Variants in IGSF10 observed in about 807,000 individuals in gnomAD.
IGSF10 encodes immunoglobulin superfamily member 10, also known as calvaria mechanical force protein 608.
In IGSF10, 126 loss-of-function variants were observed where a neutral mutation model predicts 128.2. That is an observed-to-expected ratio of 0.98 (90% CI 0.85 to 1.14). The LOEUF is 1.14. IGSF10 is among the 50% of genes most tolerant of loss of function. IGSF10 has a pLI of 0.00. For missense variants in IGSF10, 3,295 were observed against 3,149.8 expected (o/e 1.05, Z -1.10); for synonymous variants, 1,185 against 1,146.2 (o/e 1.03, Z -0.68).
Position 151,437,818 on chromosome 3 carries a change from T to G in IGSF10, c.6743A>C (p.Lys2248Thr). The G allele has an allele frequency of 6.2e-7, 1 of 1,613,958 alleles. No individual in the cohort carries two copies. The highest frequency in any genetic ancestry group is 8.5e-7 in the Non-Finnish European group (1 of 1,179,992). ...NGLYTNRTVI[K>T]ATAVRHSKKH... ...TTTGGAATGTCTCACAGCTGTGGCT[T>G]TAATAACAGTTCTGTTTGTATACAG... is the stretch of plus-strand genomic sequence containing the variant. The change falls in exon 8 of 8, where the codon AAA becomes ACA. Residue 2248 changes from lysine (K) to threonine (T), a missense_variant. Coordinates refer to ENST00000282466, the MANE Select transcript of IGSF10 (RefSeq NM_178822.5).
the IGSF10 span, among the ~76,000 whole-genome samples, chr3:151,534,669 G>T: frequency 1.3e-5 from 2 of 151,956 alleles, no homozygotes; most frequent in African/African-American, 4.8e-5. Flanking sequence ...TGGGGAGCTG[G>T]GGGAGGGGTA....
the IGSF10 span, among the ~76,000 whole-genome samples, chr3:151,549,470 C>T: frequency 6.6e-6 from 1 of 152,130 alleles, no homozygotes; most frequent in Non-Finnish European, 1.5e-5. Flanking sequence ...TTCTTTATAT[C>T]CAGAGCTGTC....
chr3:151,554,448 T>C, the IGSF10 span, among the ~76,000 whole-genome samples: 1 of 151,448 alleles, frequency 6.6e-6, no homozygotes, highest in African/African-American at 2.5e-5. Context: ...GCAAAATATT[T>C]CAATTTTTGC....
chr3:151,485,685 C>T, the IGSF10 span, among the ~76,000 whole-genome samples: 2 of 152,136 alleles, frequency 1.3e-5, no homozygotes, highest in African/African-American at 2.4e-5. Context: ...CCCAGAATTT[C>T]GTATCCAACA....
intron 4 of IGSF10, among the ~76,000 whole-genome samples, chr3:151,454,286 G>A (rs1721670331): frequency 6.6e-6 from 1 of 152,038 alleles, no homozygotes; most frequent in African/African-American, 2.4e-5. Flanking sequence ...CCAAAGTGCT[G>A]GGATTACAGG....
In IGSF10 at chr3:151,445,282, GA is replaced by G. The variant is rs1355109900; in HGVS notation, c.4698del (p.Pro1567HisfsTer26). On this transcript the variant is annotated frameshift_variant, in exon 6 of 8. Coordinates refer to ENST00000282466, the MANE Select transcript of IGSF10 (RefSeq NM_178822.5). LOFTEE classifies it high-confidence loss of function. ...TTVKSQNSKLTPSPWAENQFW... is the reference protein window; with the variant it reads ...TTVKSQNSKLXPSPWAENQFW... ...AATTGGTTTTCTGCCCAGGGAGATG[GA>G]GTTAATTTAGAATTCTGTGATTTAA... is the stretch of plus-strand genomic sequence containing the variant. 6.2e-7 allele frequency: 1 copy of G among 1,614,208 alleles called. No individual in the cohort carries two copies.
chr3:151,598,769 T>C, the IGSF10 span, among the ~76,000 whole-genome samples: 1 of 152,208 alleles, frequency 6.6e-6, no homozygotes, highest in Non-Finnish European at 1.5e-5. Flanking sequence ...AACCCACAGA[T>C]ACGGAGTGCC....
At chr3:151,534,357 A>G in the IGSF10 span, among the ~76,000 whole-genome samples, 1 of 152,236 alleles carries the variant, frequency 6.6e-6, no homozygotes, top group Admixed American at 6.5e-5. Flanking sequence ...ATGCACATGT[A>G]TGTTTATTGC....
the IGSF10 span, among the ~76,000 whole-genome samples, chr3:151,555,863 CT>C: frequency 6.6e-6 from 1 of 152,134 alleles, no homozygotes; most frequent in Non-Finnish European, 1.5e-5. Context: ...GACTCTAGTC[CT>C]TGCCTTTCCC....
the IGSF10 span, among the ~76,000 whole-genome samples, chr3:151,552,452 A>G: frequency 6.6e-6 from 1 of 152,166 alleles, no homozygotes; most frequent in African/African-American, 2.4e-5. Flanking sequence ...CTTAAGCAAC[A>G]TCTTAAGTAA....
chr3:151,475,191 G>GA, the IGSF10 span, among the ~76,000 whole-genome samples: 9 of 152,204 alleles, frequency 5.9e-5, no homozygotes, highest in Middle Eastern at 3.4e-3. Flanking sequence ...CATTCAGCTG[G>GA]AAAAAAGATG....
At chr3:151,475,946 T>C in the IGSF10 span, 2 of 154,428 alleles carry the variant, frequency 1.3e-5, no homozygotes, top group Non-Finnish European at 1.5e-5. Context: ...ATGTTTTGTA[T>C]GTTCATATGG....
chr3:151,437,369 T>C lies in IGSF10; in HGVS notation c.7192A>G (p.Ile2398Val). ...YLIASNGSFI[I>V]SKTTREDAGK... ...GCATCCTCCCGAGTTGTTTTAGAAA[T>C]GATAAAAGAACCATTGCTTGCTATC... Residue 2398 changes from isoleucine (I) to valine (V), a missense_variant, in exon 8 of 8, where the codon ATT (isoleucine) becomes GTT (valine). By Grantham distance (29) the Ile-to-Val change is conservative. Transcript: ENST00000282466. 1 of 1,614,178 alleles carries C rather than the reference T, an allele frequency of 6.2e-7. No homozygotes were observed. Among genetic ancestry groups the C allele is most frequent in the South Asian group, 1.1e-5 (1 of 91,082 alleles).
rs1720236113 is a variant in IGSF10 at position 151,436,485 on chromosome 3, AAAGTTT to A, written c.*198_*203del. The A allele has an allele frequency of 2.2e-6, 1 of 444,900 alleles. No individual in the cohort carries two copies. Among genetic ancestry groups the A allele is most frequent in the East Asian group, 3.6e-5 (1 of 27,932 alleles). 27.6% of individuals were successfully genotyped at this position (444,900 alleles called of 1,614,324 possible). A position where few individuals can be genotyped will look rare whatever the true frequency, so the allele number is the denominator to read the frequency against. On this transcript the variant is annotated 3_prime_UTR_variant, in exon 8 of 8. Coordinates refer to ENST00000282466, the MANE Select transcript of IGSF10 (RefSeq NM_178822.5). ...GGCAAAATAAAAGTGCCTTAAGTTA[AAAGTTT>A]GTTTTGAGATCCATTAAATAAATCA...
At chr3:151,530,534 A>T in the IGSF10 span, among the ~76,000 whole-genome samples, 1 of 152,218 alleles carries the variant, frequency 6.6e-6, no homozygotes, top group Non-Finnish European at 1.5e-5. Context: ...ACAAGCCAGA[A>T]GAGAGTGGGG....
chr3:151,513,421 C>A, the IGSF10 span, among the ~76,000 whole-genome samples: 1 of 152,066 alleles, frequency 6.6e-6, no homozygotes, highest in African/African-American at 2.4e-5. Flanking sequence ...ATTCAACAAC[C>A]CTTCAGGCTA....
chr3:151,617,320 C>CTCTTCTTCTTCTTCTTCT, the IGSF10 span, among the ~76,000 whole-genome samples: 2 of 83,580 alleles, frequency 2.4e-5, no homozygotes, highest in African/African-American at 1.1e-4. Flanking sequence ...CTTCTTCTTC[C>CTCTTCTTCTTCTTCTTCT]CCTCCTCCTC....
chr3:151,573,151 A>T, the IGSF10 span, among the ~76,000 whole-genome samples: 12 of 152,140 alleles, frequency 7.9e-5, no homozygotes, highest in African/African-American at 2.7e-4. Context: ...ACTTCCAACT[A>T]TGTGGTCAAT....
chr3:151,513,935 A>G, the IGSF10 span, among the ~76,000 whole-genome samples: 1 of 152,220 alleles, frequency 6.6e-6, no homozygotes, highest in Non-Finnish European at 1.5e-5. Context: ...GACCTCTTCA[A>G]GGAGAACTAC....
Sources: gnomAD v4.1 joint callset for allele counts (sites outside exome capture counted in the v4.1 genomes callset) on GRCh38, gnomAD v4.1.1 for gene constraint, MANE v1.5 for transcripts, NCBI Gene and HGNC (gene_info 2026-07-23, HGNC 2026-07-21) for gene names.